The following MAGI1 variants were observed in gnomAD, a reference collection of about 807,000 sequenced individuals.
MAGI1 encodes membrane associated guanylate kinase, WW and PDZ domain containing 1, also known as membrane-associated guanylate kinase, WW and PDZ domain-containing protein 1.
Under a neutral mutation model 139.9 loss-of-function variants are expected in MAGI1, and 58 were observed. That is an observed-to-expected ratio of 0.41 (90% CI 0.34 to 0.52). The LOEUF (loss-of-function observed/expected upper bound fraction) is 0.52. MAGI1 is among the 20% of genes least tolerant of loss of function. The pLI, the probability that MAGI1 is intolerant of heterozygous loss-of-function variation, is 0.12. For missense variants in MAGI1, 1,874 were observed against 1,901.6 expected, an observed-to-expected ratio of 0.99 and a Z score of 0.27; for synonymous variants, 812 against 737.9, an observed-to-expected ratio of 1.10 and a Z score of -1.63.
chr3:65,708,592 T>C (rs1375287419), intron 1 of MAGI1, among the ~76,000 whole-genome samples: 3 of 151,646 alleles, frequency 2.0e-5, no homozygotes, highest in Non-Finnish European at 2.9e-5. Flanking sequence ...AAATCGGTCA[T>C]TGGTGGTGGG....
rs776391815 is a variant in MAGI1, at chr3:65,356,768, G to A, written c.3999C>T (p.Ala1333=). The change falls in exon 23 of 23, where the codon GCC becomes GCT. Residue 1333 remains alanine (A), a synonymous_variant. Transcript: ENST00000402939. ...TCTCCCTCCTCTCCAAAGTGTTGTC[G>A]GCGCTGCGGGTGCCCTCCCTCCGCT... The part of the protein sequence containing the change: ...PEKRREGTRS[A]DNTLERREKH... The A allele has an allele frequency of 2.5e-6, 4 of 1,605,188 alleles. No individual in the cohort carries two copies. The highest frequency in any genetic ancestry group is 1.1e-5 in the South Asian group (1 of 89,298).
intron 2 of MAGI1, among the ~76,000 whole-genome samples, chr3:65,569,868 C>A (rs1429233329): frequency 6.6e-6 from 1 of 150,992 alleles, no homozygotes; most frequent in South Asian, 2.1e-4. Context: ...CAGCGAGACC[C>A]TGTCTCAGAA....
chr3:65,363,606 C>T lies in MAGI1; in HGVS notation c.3354G>A (p.Glu1118=), dbSNP rs759177851. The change falls in exon 21 of 23, where the codon GAG becomes GAA. Residue 1118 remains glutamate (E), a splice_region_variant and synonymous_variant. Coordinates refer to ENST00000402939, the MANE Select transcript of MAGI1 (RefSeq NM_001033057.2). The part of the protein sequence containing the change: ...FEFKAPQATQ[E]QDFYTVELER... ...CCAGTTCCACAGTGTAAAAATCTTG[C>T]TCCTATTTAAAGAAATTAAATGCAA... The T allele has an allele frequency of 1.2e-6, 2 of 1,612,638 alleles. No homozygotes were observed. The highest frequency in any genetic ancestry group is 1.7e-5 in the Admixed American group (1 of 59,694).
chr3:65,516,350 C>A (rs2077877201), intron 2 of MAGI1, among the ~76,000 whole-genome samples: 1 of 151,794 alleles, frequency 6.6e-6, no homozygotes. Flanking sequence ...CGGCTAATTT[C>A]TGTATTTTTA....
chr3:65,507,786 A>G (rs2077360271), intron 2 of MAGI1, among the ~76,000 whole-genome samples: 1 of 152,230 alleles, frequency 6.6e-6, no homozygotes, highest in South Asian at 2.1e-4. Flanking sequence ...TCTGGCTACA[A>G]CTATAGCTCA....
chr3:65,430,616 C>T, intron 11 of MAGI1, 83 bp downstream of exon 11: 1 of 1,472,760 alleles, frequency 6.8e-7, no homozygotes, highest in Non-Finnish European at 9.2e-7. Flanking sequence ...CTTGCTCAAA[C>T]AAACAACATC....
intron 2 of MAGI1, among the ~76,000 whole-genome samples, chr3:65,529,327 CCACA>C (rs2078530016): frequency 6.6e-6 from 1 of 152,082 alleles, no homozygotes; most frequent in Non-Finnish European, 1.5e-5. Context: ...CATTTCATCA[CCACA>C]AACAGAAACT....
At chr3:65,946,110 C>G (rs1173220252) in intron 1 of MAGI1, among the ~76,000 whole-genome samples, 54 of 152,316 alleles carry the variant, frequency 3.5e-4, no homozygotes, top group Non-Finnish European at 1.9e-4. Flanking sequence ...ACAGCATGGA[C>G]ACTGGAAGGG....
At chr3:65,773,549 AG>A (rs1282692670) in intron 1 of MAGI1, among the ~76,000 whole-genome samples, 2 of 152,104 alleles carry the variant, frequency 1.3e-5, no homozygotes, top group African/African-American at 4.8e-5. Flanking sequence ...AAGACAAAAA[AG>A]AGTGGGGGTG....
At chr3:65,461,517 C>G (rs1197524033) in intron 5 of MAGI1, among the ~76,000 whole-genome samples, 1 of 125,466 alleles carries the variant, frequency 8.0e-6, no homozygotes, top group Non-Finnish European at 1.6e-5. Flanking sequence ...AAGACAGAGT[C>G]TCACTCTGTC....
intron 1 of MAGI1, among the ~76,000 whole-genome samples, chr3:65,974,883 C>A (rs1200298777): frequency 6.6e-6 from 1 of 152,172 alleles, no homozygotes; most frequent in Non-Finnish European, 1.5e-5. Flanking sequence ...GACCTGGGAA[C>A]AGACTGCACG....
rs1283598631 is a variant in MAGI1, at chr3:65,663,687, G to A, written c.314-41599C>T. On this transcript the variant is annotated intron_variant, in intron 1 of 22. Coordinates refer to ENST00000402939, the MANE Select transcript of MAGI1 (RefSeq NM_001033057.2). ...GCAGCCCTTGGGGAGCCTTCAGTTA[G>A]TGGGGAACTTTTCAGCCTTGACACT... Among the ~76,000 whole-genome samples, 5 of 152,174 alleles carry A rather than the reference G, an allele frequency of 3.3e-5. No individual in the cohort carries two copies. The East Asian group carries it at 9.7e-4, about 29-fold the overall frequency.
intron 1 of MAGI1, among the ~76,000 whole-genome samples, chr3:65,962,984 A>G (rs2064525205): frequency 6.6e-6 from 1 of 150,552 alleles, no homozygotes; most frequent in Non-Finnish European, 1.5e-5. Context: ...TTTTTTTTAA[A>G]CACTGCATAT....
At position 65,499,073 on chromosome 3, in the gene MAGI1, AC is replaced by A. The variant is rs1261528786; in HGVS notation, c.431-5443del. On this transcript the variant is annotated intron_variant, in intron 2 of 22. Transcript: ENST00000402939. ...GAAAACCGCTCTTAAAAAAAAAAAA[AC>A]AAAAAACTCTCATATGCTTTGAAAA... The A allele has an allele frequency of 9.1e-3, 8,668 of 949,696 alleles. 28 individuals carry two copies. The highest frequency in any genetic ancestry group is 0.01 in the Non-Finnish European group (8,061 of 797,180). The allele number at this position is 949,696 out of a possible 1,614,324, so 58.8% of individuals were successfully genotyped here.
chr3:65,691,337 G>T (rs534047978), intron 1 of MAGI1, among the ~76,000 whole-genome samples: 25 of 145,726 alleles, frequency 1.7e-4, no homozygotes, highest in Admixed American at 1.6e-3. Flanking sequence ...GAAAAAAGGG[G>T]TTTCAGAGCA....
intron 1 of MAGI1, among the ~76,000 whole-genome samples, chr3:65,647,210 A>G (rs2085318374): frequency 6.6e-6 from 1 of 152,296 alleles, no homozygotes; most frequent in African/African-American, 2.4e-5. Context: ...TGCATACATC[A>G]AAGGATAAAG....
rs553064003 is a variant in MAGI1, at chr3:65,575,051, T to C, written c.430+46921A>G. Among the ~76,000 whole-genome samples the C allele has an allele frequency of 2.8e-4, 43 of 152,124 alleles. 1 individual carries two copies. The South Asian group carries it at 8.5e-3, about 30-fold the overall frequency. On this transcript the variant is annotated intron_variant, in intron 2 of 22. Coordinates refer to ENST00000402939, the MANE Select transcript of MAGI1 (RefSeq NM_001033057.2). The stretch of plus-strand genomic sequence containing the variant: ...AAACCACAATCTATTAAGGAAACAA[T>C]TGGTAATTTGTATTGCTTCATAGTT...
At chr3:65,573,320 C>A (rs1380400542) in intron 2 of MAGI1, among the ~76,000 whole-genome samples, 1 of 151,938 alleles carries the variant, frequency 6.6e-6, no homozygotes, top group Non-Finnish European at 1.5e-5. Flanking sequence ...TTTAACCAAT[C>A]ATATTCAACA....
chr3:65,605,285 A>G (rs541954314), intron 2 of MAGI1, among the ~76,000 whole-genome samples: 6 of 152,364 alleles, frequency 3.9e-5, no homozygotes, highest in Middle Eastern at 3.4e-3. Context: ...TGCTGGCTTC[A>G]GAACACAAAT....
Sources: gnomAD v4.1 joint callset for allele counts (sites outside exome capture counted in the v4.1 genomes callset) on GRCh38, gnomAD v4.1.1 for gene constraint, MANE v1.5 for transcripts, NCBI Gene and HGNC (gene_info 2026-07-23, HGNC 2026-07-21) for gene names.